Variants in JAZF1 observed in about 807,000 individuals in gnomAD.
JAZF1 encodes the protein juxtaposed with another zinc finger protein 1.
In JAZF1, 8 loss-of-function variants were observed where a neutral mutation model predicts 26.4. The ratio of observed to expected loss-of-function variants is 0.30; its 90% CI spans 0.18 to 0.55. The LOEUF is 0.55. Ranked by LOEUF, JAZF1 falls within the 20% of genes least tolerant of loss-of-function variation. The pLI, the probability that JAZF1 is intolerant of heterozygous loss-of-function variation, is 0.94. For synonymous variants in JAZF1, 126 were observed against 122.3 expected (o/e 1.03, Z -0.20); for missense variants, 199 against 322.0 (o/e 0.62, Z 2.92).
intron 2 of JAZF1, among the ~76,000 whole-genome samples, chr7:27,989,747 C>T (rs4308621): frequency 0.23 from 35,453 of 152,088 alleles, 4,552 homozygotes; most frequent in East Asian, 0.5. Context: ...CCATCTCACA[C>T]CAGTTAGAAT....
intron 1 of JAZF1, among the ~76,000 whole-genome samples, chr7:28,171,103 CA>C (rs1783463273): frequency 6.6e-6 from 1 of 152,238 alleles, no homozygotes; most frequent in African/African-American, 2.4e-5. Flanking sequence ...CAGGAGGATT[CA>C]AAATCCAATT....
chr7:27,974,896 T>G (rs1785442460), intron 2 of JAZF1, among the ~76,000 whole-genome samples: 1 of 151,702 alleles, frequency 6.6e-6, no homozygotes, highest in South Asian at 2.1e-4. Flanking sequence ...AGTTTTTTTT[T>G]TTTTTTGAGA....
chr7:27,861,366 C>T (rs1783376316), intron 3 of JAZF1, among the ~76,000 whole-genome samples: 1 of 151,772 alleles, frequency 6.6e-6, no homozygotes, highest in Non-Finnish European at 1.5e-5. Context: ...TCTTTTTATT[C>T]TAATGTTACA....
intron 1 of JAZF1, among the ~76,000 whole-genome samples, chr7:28,107,744 G>A (rs190576038): frequency 6.6e-6 from 1 of 152,308 alleles, no homozygotes; most frequent in African/African-American, 2.4e-5. Context: ...AGAATACACA[G>A]AGACACCATT....
chr7:28,054,689 G>A (rs539875704), intron 1 of JAZF1, among the ~76,000 whole-genome samples: 1 of 152,240 alleles, frequency 6.6e-6, no homozygotes, highest in East Asian at 1.9e-4. Flanking sequence ...GGCCATTAGG[G>A]TAAATGTGCC....
chr7:27,966,504 A>G (rs1785278046), intron 2 of JAZF1, among the ~76,000 whole-genome samples: 1 of 152,178 alleles, frequency 6.6e-6, no homozygotes, highest in South Asian at 2.1e-4. Context: ...CCCTGGACAC[A>G]GTCAAGTTCA....
intron 1 of JAZF1, among the ~76,000 whole-genome samples, chr7:28,046,462 T>A (rs73091042): frequency 0.034 from 5,144 of 152,298 alleles, 129 homozygotes; most frequent in Non-Finnish European, 0.054. Context: ...CTAGGGGACA[T>A]TTAGGCTGTC....
In JAZF1 at chr7:27,932,460, A is replaced by C. The variant is rs377040708; in HGVS notation, c.189-37044T>G. 5.9e-5 allele frequency among the ~76,000 whole-genome samples: 9 copies of C among 152,316 alleles called. No individual in the cohort carries two copies. In the South Asian group the frequency reaches 8.3e-4, roughly 14 times the overall value. Reference sequence around the variant, plus strand: ...CCACAGACACAGTCATCCATAATCTAGGTGCAGGTGGAAGAGAGGGTGCAT... The same window carrying C: ...CCACAGACACAGTCATCCATAATCTCGGTGCAGGTGGAAGAGAGGGTGCAT... On this transcript the variant is annotated intron_variant, in intron 2 of 4. Transcript: ENST00000283928.
intron 3 of JAZF1, among the ~76,000 whole-genome samples, chr7:27,855,489 G>C (rs925116191): frequency 6.6e-6 from 1 of 152,062 alleles, no homozygotes; most frequent in African/African-American, 2.4e-5. Context: ...TAAGAAAAGA[G>C]AGAAGAATCA....
rs183308761 is a variant in JAZF1, at chr7:28,165,155, T to C, written c.115+15308A>G. On this transcript the variant is annotated intron_variant, in intron 1 of 4. Transcript: ENST00000283928. ...CTGCACTCCAGCCTGGGTGACAGAG[T>C]GACACTCTGTATCAAAAGAAAAAAA... 2.8e-3 allele frequency among the ~76,000 whole-genome samples: 430 copies of C among 152,046 alleles called. 2 individuals carry two copies. The highest frequency in any genetic ancestry group is 9.9e-3 in the African/African-American group (411 of 41,484).
chr7:28,015,209 A>G (rs1782867995), intron 1 of JAZF1, among the ~76,000 whole-genome samples: 1 of 152,030 alleles, frequency 6.6e-6, no homozygotes, highest in South Asian at 2.1e-4. Context: ...TCCAACAACC[A>G]CGTGGGAAAG....
chr7:28,138,702 T>C (rs553403029), intron 1 of JAZF1, among the ~76,000 whole-genome samples: 1 of 152,336 alleles, frequency 6.6e-6, no homozygotes, highest in South Asian at 2.1e-4. Flanking sequence ...ATTTCCTTGT[T>C]ATGCTGAGTG....
intron 3 of JAZF1, among the ~76,000 whole-genome samples, chr7:27,849,773 A>ACACACACACACACACACACACACACC (rs1187295731): frequency 8.4e-4 from 96 of 114,048 alleles, no homozygotes; most frequent in African/African-American, 5.0e-3. Flanking sequence ...ACACACACAC[A>ACACACACACACACACACACACACACC]CCCCTACACC....
chr7:28,064,671 G>C lies in JAZF1; in HGVS notation c.116-72690C>G, dbSNP rs988315682. ...AGGAATGTGGGATAAAGCATAAAGAGATCTTATTATCATCTAACTCAGTCT... is the reference window on the plus strand; with the variant it reads ...AGGAATGTGGGATAAAGCATAAAGACATCTTATTATCATCTAACTCAGTCT... On this transcript the variant is annotated intron_variant, in intron 1 of 4. Transcript: ENST00000283928. 4.6e-5 allele frequency among the ~76,000 whole-genome samples: 7 copies of C among 152,280 alleles called. No homozygotes were observed. The South Asian group carries it at 1.5e-3, about 32-fold the overall frequency.
rs192505085 is a variant in JAZF1, at chr7:27,895,537, C to T, written c.189-121G>A. 2.9e-4 allele frequency: 163 copies of T among 559,410 alleles called. 3 individuals carry two copies. The Middle Eastern group carries it at 5.8e-3, about 20-fold the overall frequency. The allele number at this position is 559,410 out of a possible 1,614,324, so 34.7% of individuals were successfully genotyped here. The stretch of plus-strand genomic sequence containing the variant: ...AAGGACCTTGGCCACAGGTCAGTCC[C>T]AATCTCAAAAACTCACAACAGCTTC... On this transcript the variant is annotated intron_variant, in intron 2 of 4. Coordinates refer to ENST00000283928, the MANE Select transcript of JAZF1 (RefSeq NM_175061.4).
At chr7:27,898,311 G>GTTTTTTT (rs370764659) in intron 2 of JAZF1, among the ~76,000 whole-genome samples, 1 of 111,252 alleles carries the variant, frequency 9.0e-6, no homozygotes, top group Non-Finnish European at 1.8e-5. Context: ...ATATACATCG[G>GTTTTTTT]TTTTTTTTTT....
chr7:27,918,547 G>A (rs1288890607), intron 2 of JAZF1, among the ~76,000 whole-genome samples: 3 of 152,168 alleles, frequency 2.0e-5, no homozygotes, highest in African/African-American at 7.2e-5. Flanking sequence ...ATAAAATCTA[G>A]CTGGAGAATG....
intron 1 of JAZF1, among the ~76,000 whole-genome samples, chr7:28,036,470 T>G (rs907645905): frequency 6.6e-6 from 1 of 152,210 alleles, no homozygotes; most frequent in Non-Finnish European, 1.5e-5. Flanking sequence ...CACTCATTTT[T>G]GGGGGGAACA....
intron 2 of JAZF1, among the ~76,000 whole-genome samples, chr7:27,927,978 G>A (rs1475127351): frequency 2.0e-5 from 3 of 152,180 alleles, no homozygotes; most frequent in Admixed American, 6.5e-5. Context: ...CATGCAACAT[G>A]AGGTCATATA....
Sources: allele counts gnomAD v4.1 joint callset (sites outside exome capture counted in the v4.1 genomes callset), GRCh38; gene constraint gnomAD v4.1.1; transcripts MANE v1.5; gene names NCBI Gene and HGNC (gene_info 2026-07-23, HGNC 2026-07-21).